The following ATG2B variants were observed in gnomAD, a reference collection of about 807,000 sequenced individuals.
The protein encoded by ATG2B is autophagy related 2B.
In ATG2B, 121 loss-of-function variants were observed where a neutral mutation model predicts 241.3. That is an observed-to-expected ratio of 0.50 (90% confidence interval 0.43 to 0.58). ATG2B has a LOEUF of 0.58. ATG2B is among the 20% of genes least tolerant of loss of function. ATG2B has a pLI of 0.00. For synonymous variants in ATG2B, 858 were observed against 876.6 expected (o/e 0.98, Z 0.37); for missense variants, 2,306 against 2,491.6 (o/e 0.93, Z 1.59).
At chr14:96,362,727 T>G in intron 1 of ATG2B, 88 bp downstream of exon 1, 1 of 1,339,056 alleles carries the variant, frequency 7.5e-7, no homozygotes, top group Non-Finnish European at 1.0e-6. Context: ...AAGGAGGGAC[T>G]GACTGTCACC....
chr14:96,314,654 T>C (rs1887255302), intron 23 of ATG2B, among the ~76,000 whole-genome samples: 2 of 152,140 alleles, frequency 1.3e-5, no homozygotes, highest in East Asian at 3.8e-4. Context: ...ACCAATTACA[T>C]TCTGAGGTGA....
chr14:96,291,432 C>A (rs931595557), intron 38 of ATG2B, among the ~76,000 whole-genome samples, 168 bp downstream of exon 38: 2 of 151,992 alleles, frequency 1.3e-5, no homozygotes, highest in African/African-American at 4.8e-5. Context: ...ACTTCTAATC[C>A]CTCAGAATAG....
At chr14:96,295,695 C>A in intron 34 of ATG2B, 135 bp from the exon 35 acceptor site, 24 of 472,272 alleles carry the variant, frequency 5.1e-5, no homozygotes, top group East Asian at 8.2e-5. Context: ...ATTCTTTCTC[C>A]ATGCTAGTCA....
intron 34 of ATG2B, among the ~76,000 whole-genome samples, chr14:96,300,899 A>G (rs999391919): frequency 6.6e-6 from 1 of 152,192 alleles, no homozygotes; most frequent in South Asian, 2.1e-4. Context: ...ATTTGTTACC[A>G]GCTTTTAGTT....
At chr14:96,296,732 G>A (rs1301628932) in intron 34 of ATG2B, among the ~76,000 whole-genome samples, 1 of 148,574 alleles carries the variant, frequency 6.7e-6, no homozygotes, top group Non-Finnish European at 1.5e-5. Context: ...TTGCACTCCA[G>A]CCCAGGCGAC....
rs541048516 is a variant in ATG2B, at chr14:96,300,582, G to A, written c.5139+1425C>T. Among the ~76,000 whole-genome samples the A allele has an allele frequency of 1.2e-4, 19 of 152,232 alleles. No homozygotes were observed. The South Asian group carries it at 1.7e-3, about 13-fold the overall frequency. ...TTTCGTAAAGTCATGCCAGAAAGAT[G>A]TATCTTACTCAAAGTCTTGTTCACA... On this transcript the variant is annotated intron_variant, in intron 34 of 41. Transcript: ENST00000359933.
At position 96,343,269 on chromosome 14, in the gene ATG2B, A is replaced by C. The variant is rs774867607; in HGVS notation, c.594T>G (p.Cys198Trp). 3 of 1,582,640 alleles carry C rather than the reference A, an allele frequency of 1.9e-6. No homozygotes were observed. Among genetic ancestry groups the C allele is most frequent in the Non-Finnish European group, 2.6e-6 (3 of 1,167,360 alleles). ...CTGAGGATTCGTCAGCAGTTTCATCACAGTACACAGTTCTGAAATTTTTTT... is the reference window on the plus strand; with the variant it reads ...CTGAGGATTCGTCAGCAGTTTCATCCCAGTACACAGTTCTGAAATTTTTTT... ...LEIRIERTVYCDETADESSGI... is the reference protein window; with the variant it reads ...LEIRIERTVYWDETADESSGI... Residue 198 changes from cysteine (C) to tryptophan (W), a missense_variant, in exon 5 of 42, where the codon TGT (cysteine) becomes TGG (tryptophan). Physicochemically the swap from Cys to Trp is radical, Grantham distance 215. Around this residue, in one of 2 missense-constraint regions of ATG2B, gnomAD observed 1,927 missense variants for 2,011.2 expected, o/e 0.96. Coordinates refer to ENST00000359933, the MANE Select transcript of ATG2B (RefSeq NM_018036.7).
intron 29 of ATG2B, among the ~76,000 whole-genome samples, chr14:96,308,779 C>T (rs1887072873): frequency 6.6e-6 from 1 of 152,088 alleles, no homozygotes; most frequent in Admixed American, 6.5e-5. Flanking sequence ...TAGCTATGAC[C>T]ATTCAATTAG....
chr14:96,334,062 G>A (rs1446694326), intron 7 of ATG2B, among the ~76,000 whole-genome samples, 189 bp from the exon 8 acceptor site: 3 of 152,072 alleles, frequency 2.0e-5, no homozygotes, highest in Non-Finnish European at 4.4e-5. Flanking sequence ...AAATCTTATC[G>A]CTGATAGATA....
chr14:96,315,293 G>C (rs1012188500), intron 22 of ATG2B, 59 bp from the exon 23 acceptor site: 1 of 1,583,732 alleles, frequency 6.3e-7, no homozygotes, highest in Non-Finnish European at 8.7e-7. Flanking sequence ...TAACTCAAAA[G>C]TTTTTCCAAG....
intron 26 of ATG2B, 67 bp from the exon 27 acceptor site, chr14:96,311,685 C>G (rs931633738): frequency 1.1e-6 from 1 of 928,940 alleles, no homozygotes; most frequent in African/African-American, 1.7e-5. Context: ...CAACCAACAC[C>G]CAATACAACT....
At chr14:96,318,995 A>G (rs1887390116) in intron 18 of ATG2B, among the ~76,000 whole-genome samples, 1 of 152,228 alleles carries the variant, frequency 6.6e-6, no homozygotes, top group Admixed American at 6.5e-5. Flanking sequence ...AGGCACGGAC[A>G]GTTGGTGAGG....
At chr14:96,317,085 T>C (rs1212537954) in intron 20 of ATG2B, 60 bp downstream of exon 20, 2 of 1,417,188 alleles carry the variant, frequency 1.4e-6, no homozygotes, top group Admixed American at 2.0e-5. Flanking sequence ...ATATGTATCC[T>C]AGCAGATTTA....
rs966190670 is a variant in ATG2B at position 96,325,509 on chromosome 14, A to G, written c.2437+140T>C. 5 of 764,864 alleles carry G rather than the reference A, an allele frequency of 6.5e-6. No homozygotes were observed. In the South Asian group the frequency reaches 9.8e-5, roughly 15 times the overall value. 47.4% of individuals were successfully genotyped at this position (764,864 alleles called of 1,614,324 possible). A position where few individuals can be genotyped will look rare whatever the true frequency, so the allele number is the denominator to read the frequency against. On this transcript the variant is annotated intron_variant, in intron 15 of 41. Coordinates refer to ENST00000359933, the MANE Select transcript of ATG2B (RefSeq NM_018036.7). ...CATATTTGCATACAATACTAGAAAG[A>G]CATTGTTGCTGTTGATTTTAACATA...
rs762824844 is a variant in ATG2B, at chr14:96,313,445, C to T, written c.3643-10G>A. The T allele has an allele frequency of 1.4e-6, 2 of 1,467,600 alleles. No individual in the cohort carries two copies. The highest frequency in any genetic ancestry group is 1.8e-6 in the Non-Finnish European group (2 of 1,085,590). The allele number at this position is 1,467,600 out of a possible 1,614,324, so 90.9% of individuals were successfully genotyped here. On this transcript the variant is annotated splice_polypyrimidine_tract_variant and intron_variant, in intron 23 of 41. Coordinates refer to ENST00000359933, the MANE Select transcript of ATG2B (RefSeq NM_018036.7). ...TCAAGAAGTATAAAATCTATAATCACAAAAAATTAAAACGCCCTGCTTTAG... is the reference window on the plus strand; with the variant it reads ...TCAAGAAGTATAAAATCTATAATCATAAAAAATTAAAACGCCCTGCTTTAG...
intron 1 of ATG2B, 71 bp from the exon 2 acceptor site, chr14:96,347,412 T>G: frequency 8.1e-7 from 1 of 1,238,986 alleles, no homozygotes; most frequent in Non-Finnish European, 1.1e-6. Context: ...TATTCAAAGG[T>G]GTCAAATATG....
At chr14:96,336,153 T>TAA (rs74984817) in intron 6 of ATG2B, among the ~76,000 whole-genome samples, 2,921 of 131,482 alleles carry the variant, frequency 0.022, 110 homozygotes, top group African/African-American at 0.075. Context: ...TCAGAGAACT[T>TAA]AAAAAAAAAA....
chr14:96,328,092 G>C (rs1887630744), intron 14 of ATG2B, among the ~76,000 whole-genome samples: 1 of 152,198 alleles, frequency 6.6e-6, no homozygotes, highest in Non-Finnish European at 1.5e-5. Flanking sequence ...TGGGATTACA[G>C]GTGTGAGCCG....
rs909250090 is a variant in ATG2B, at chr14:96,332,577, G to A, written c.1286C>T (p.Pro429Leu). 2.5e-6 allele frequency: 4 copies of A among 1,610,230 alleles called. No homozygotes were observed. The highest frequency in any genetic ancestry group is 1.3e-5 in the African/African-American group (1 of 74,688). Residue 429 changes from proline to leucine, a missense_variant, in exon 9 of 42, where the codon CCA (proline) becomes CTA (leucine). Transcript: ENST00000359933. Reference sequence around the variant, plus strand: ...TAATGATAACTCAAGGTCCATGTTTGGGGGGTCCCCAAGGGGTGGAAGAGA... The same window carrying A: ...TAATGATAACTCAAGGTCCATGTTTAGGGGGTCCCCAAGGGGTGGAAGAGA... ...LSSLPPLGDPPNMDLELSLTS... is the reference protein window; with the variant it reads ...LSSLPPLGDPLNMDLELSLTS...
Sources: gnomAD v4.1 joint callset for allele counts (sites outside exome capture counted in the v4.1 genomes callset) on GRCh38, gnomAD v4.1.1 for gene constraint, gnomAD v4.1.1 regional missense constraint, MANE v1.5 for transcripts, NCBI Gene and HGNC (gene_info 2026-07-23, HGNC 2026-07-21) for gene names.